The following TMEM167A variants were observed in gnomAD, a reference collection of about 807,000 sequenced individuals.
TMEM167A encodes protein kish-A.
A neutral mutation model predicts 11.6 loss-of-function variants in TMEM167A; 8 were observed. The observed-to-expected ratio is 0.69, with a 90% CI of 0.40 to 1.24. The LOEUF (loss-of-function observed/expected upper bound fraction) is 1.24. TMEM167A is among the 50% of genes most tolerant of loss of function. TMEM167A has a pLI of 0.01. For missense variants in TMEM167A, 62 were observed against 87.0 expected, an observed-to-expected ratio of 0.71 and a Z score of 1.14; for synonymous variants, 22 against 28.0, an observed-to-expected ratio of 0.79 and a Z score of 0.67.
chr5:83,065,933 G>C lies in TMEM167A; in HGVS notation c.4-816C>G, dbSNP rs576463664. On this transcript the variant is annotated intron_variant, in intron 1 of 3. Transcript: ENST00000502346. ...TCAGCTCTAGCATCACCTTTTTAAGGAAGTTTCCTTGAATCCATCTGCCTC... is the reference window on the plus strand; with the variant it reads ...TCAGCTCTAGCATCACCTTTTTAAGCAAGTTTCCTTGAATCCATCTGCCTC... 2.6e-5 allele frequency among the ~76,000 whole-genome samples: 4 copies of C among 152,142 alleles called. No homozygotes were observed. The South Asian group carries it at 8.3e-4, about 32-fold the overall frequency.
intron 1 of TMEM167A, 118 bp downstream of exon 1, chr5:83,077,203 C>G: frequency 6.8e-7 from 1 of 1,478,314 alleles, no homozygotes; most frequent in Non-Finnish European, 9.4e-7. Flanking sequence ...CCACATGGCT[C>G]CAAGGCCTCT....
At chr5:83,077,234 C>G in intron 1 of TMEM167A, 87 bp downstream of exon 1, 1 of 1,601,448 alleles carries the variant, frequency 6.2e-7, no homozygotes. Context: ...CCCACACACC[C>G]CGGGCTGCCG....
intron 3 of TMEM167A, 80 bp downstream of exon 3, chr5:83,061,797 T>C: frequency 7.5e-7 from 1 of 1,338,844 alleles, no homozygotes; most frequent in Non-Finnish European, 1.1e-6. Flanking sequence ...AAATTAACAT[T>C]TGACTTGTGA....
At chr5:83,072,487 T>G (rs900577176) in intron 1 of TMEM167A, among the ~76,000 whole-genome samples, 1 of 152,178 alleles carries the variant, frequency 6.6e-6, no homozygotes, top group Admixed American at 6.5e-5. Flanking sequence ...TGCCCAGAAA[T>G]TTGGATTTAA....
At chr5:83,077,167 A>C (rs187545809) in intron 1 of TMEM167A, among the ~76,000 whole-genome samples, 154 bp downstream of exon 1, 24 of 152,168 alleles carry the variant, frequency 1.6e-4, no homozygotes, top group Admixed American at 5.9e-4. Context: ...GTCCGTCCTG[A>C]TTCTCTCTGG....
At chr5:83,062,100 T>C (rs1347512785) in intron 2 of TMEM167A, 189 bp from the exon 3 acceptor site, 2 of 520,434 alleles carry the variant, frequency 3.8e-6, no homozygotes, top group African/African-American at 3.9e-5. Flanking sequence ...CAATGACATA[T>C]CAACCATCAA....
At chr5:83,071,220 A>G (rs1744554436) in intron 1 of TMEM167A, 2 of 152,216 alleles carry the variant, frequency 1.3e-5, no homozygotes, top group Non-Finnish European at 2.9e-5. Context: ...ACTGTGTTGA[A>G]GCTTCAAATG....
intron 1 of TMEM167A, among the ~76,000 whole-genome samples, chr5:83,075,327 G>T (rs1744625358): frequency 6.6e-6 from 1 of 152,166 alleles, no homozygotes; most frequent in East Asian, 1.9e-4. Context: ...GATGTTAGGT[G>T]TTGGGGGGAA....
chr5:83,058,454 T>A (rs544101736), intron 3 of TMEM167A, among the ~76,000 whole-genome samples: 26 of 151,814 alleles, frequency 1.7e-4, no homozygotes, highest in African/African-American at 6.0e-4. Context: ...CAACTGAAAA[T>A]AAAAATCTTT....
intron 2 of TMEM167A, among the ~76,000 whole-genome samples, chr5:83,063,281 T>C (rs1744432655): frequency 6.6e-6 from 1 of 151,926 alleles, no homozygotes. Context: ...CCTCAAAGGG[T>C]TGTTATGAGG....
chr5:83,063,996 C>T (rs575089562), intron 2 of TMEM167A, among the ~76,000 whole-genome samples: 13 of 152,010 alleles, frequency 8.6e-5, no homozygotes, highest in Admixed American at 3.3e-4. Flanking sequence ...TAAAAGATTA[C>T]GAGTCTCATA....
At chr5:83,059,817 T>G (rs1220692838) in intron 3 of TMEM167A, among the ~76,000 whole-genome samples, 1 of 151,966 alleles carries the variant, frequency 6.6e-6, no homozygotes, top group East Asian at 1.9e-4. Flanking sequence ...CCTAGGATGC[T>G]TAGCAACATC....
At chr5:83,062,458 A>G (rs1262650211) in intron 2 of TMEM167A, among the ~76,000 whole-genome samples, 4 of 152,180 alleles carry the variant, frequency 2.6e-5, no homozygotes, top group African/African-American at 7.2e-5. Flanking sequence ...TATTTTCAAT[A>G]TAAGTAGAAA....
chr5:83,067,876 G>A (rs778069725), intron 1 of TMEM167A, among the ~76,000 whole-genome samples: 1 of 151,924 alleles, frequency 6.6e-6, no homozygotes, highest in Non-Finnish European at 1.5e-5. Context: ...TTTATGGTCT[G>A]AAAAAGACAA....
At position 83,056,592 on chromosome 5, in the gene TMEM167A, T is replaced by G; in HGVS notation, c.*492A>C. ...GAGTTTGCTAAGAGTAGAGGTACTC[T>G]GGTTAATGATCAAAATGGTGTGCCC... is the stretch of plus-strand genomic sequence containing the variant. On this transcript the variant is annotated 3_prime_UTR_variant, in exon 4 of 4. Transcript: ENST00000502346. The G allele has an allele frequency of 6.1e-6, 1 of 163,776 alleles. No individual in the cohort carries two copies. 10.1% of individuals were successfully genotyped at this position (163,776 alleles called of 1,614,324 possible).
chr5:83,069,938 C>T (rs924580072), intron 1 of TMEM167A, among the ~76,000 whole-genome samples: 1 of 151,564 alleles, frequency 6.6e-6, no homozygotes, highest in Non-Finnish European at 1.5e-5. Context: ...ATTTTGTTAA[C>T]TCTTCAAGAG....
At chr5:83,061,286 T>C (rs1056378936) in intron 3 of TMEM167A, among the ~76,000 whole-genome samples, 1 of 152,228 alleles carries the variant, frequency 6.6e-6, no homozygotes, top group African/African-American at 2.4e-5. Flanking sequence ...TTCTATACTA[T>C]CAACATGTGT....
At chr5:83,062,108 C>A in intron 2 of TMEM167A, 197 bp from the exon 3 acceptor site, 1 of 504,612 alleles carries the variant, frequency 2.0e-6, no homozygotes, top group South Asian at 2.7e-5. Flanking sequence ...TATCAACCAT[C>A]AATGTACAGA....
At chr5:83,071,822 C>T (rs777597411) in intron 1 of TMEM167A, among the ~76,000 whole-genome samples, 5 of 152,168 alleles carry the variant, frequency 3.3e-5, no homozygotes, top group Non-Finnish European at 7.3e-5. Flanking sequence ...CATCTCTTCT[C>T]AGCAACAGTG....
Sources: gnomAD v4.1 joint callset for allele counts (sites outside exome capture counted in the v4.1 genomes callset) on GRCh38, gnomAD v4.1.1 for gene constraint, MANE v1.5 for transcripts, NCBI Gene and HGNC (gene_info 2026-07-23, HGNC 2026-07-21) for gene names.